Variants in NLGN2 observed in about 807,000 individuals in gnomAD.
The protein encoded by NLGN2 is neuroligin 2.
NLGN2 carries 11 observed loss-of-function variants against 48.6 expected under a neutral mutation model. The observed-to-expected ratio is 0.23, with a 90% CI of 0.14 to 0.37. The LOEUF (loss-of-function observed/expected upper bound fraction) is 0.37. NLGN2 is among the 10% of genes least tolerant of loss of function. The pLI is 1.00. For missense variants in NLGN2, 801 were observed against 1,225.2 expected (o/e 0.65, Z 5.17); for synonymous variants, 548 against 550.0 (o/e 1.00, Z 0.05).
In NLGN2 at chr17:7,418,053, G is replaced by A; in HGVS notation, c.*254G>A. The stretch of plus-strand genomic sequence containing the variant: ...CCCCATTGGGACACCAGTCTTCGGT[G>A]TGTGGAATGTGGTATTTTCCCGCGT... On this transcript the variant is annotated 3_prime_UTR_variant, in exon 7 of 7. Transcript: ENST00000302926. 1 of 316,484 alleles carries A rather than the reference G, an allele frequency of 3.2e-6. No homozygotes were observed. Among genetic ancestry groups the A allele is most frequent in the Non-Finnish European group, 5.8e-6 (1 of 172,386 alleles). The allele number at this position is 316,484 out of a possible 1,614,324, so 19.6% of individuals were successfully genotyped here.
At position 7,417,823 on chromosome 17, in the gene NLGN2, C is replaced by T; in HGVS notation, c.*24C>T. 1 of 1,347,462 alleles carries T rather than the reference C, an allele frequency of 7.4e-7. No individual in the cohort carries two copies. The highest frequency in any genetic ancestry group is 9.5e-7 in the Non-Finnish European group (1 of 1,057,910). The allele number at this position is 1,347,462 out of a possible 1,614,324, so 83.5% of individuals were successfully genotyped here. On this transcript the variant is annotated 3_prime_UTR_variant, in exon 7 of 7. Transcript: ENST00000302926. The stretch of plus-strand genomic sequence containing the variant: ...AGGGGGTGGGTGGGGAGGCCCTCCT[C>T]CCCGGCCCTCCCTGGCCCGGCCACT...
upstream of NLGN2, among the ~76,000 whole-genome samples, chr17:7,407,248 T>TC (rs1906683469): frequency 6.6e-6 from 1 of 152,146 alleles, no homozygotes; most frequent in Non-Finnish European, 1.5e-5. Context: ...CGGGGCAGCA[T>TC]CCCGTCACCC....
At chr17:7,406,513 G>A (rs1045556932), upstream of NLGN2, among the ~76,000 whole-genome samples, 8 of 152,116 alleles carry the variant, frequency 5.3e-5, no homozygotes, top group Non-Finnish European at 1.0e-4. Context: ...AAGGCAGGGG[G>A]CATGACTGGG....
chr17:7,406,766 G>C (rs1168112217), upstream of NLGN2, among the ~76,000 whole-genome samples: 1 of 152,144 alleles, frequency 6.6e-6, no homozygotes, highest in African/African-American at 2.4e-5. Context: ...AACTGTAGGG[G>C]GGGTGGCAAG....
chr17:7,407,225 C>G (rs571981555), upstream of NLGN2, among the ~76,000 whole-genome samples: 1 of 152,128 alleles, frequency 6.6e-6, no homozygotes, highest in Non-Finnish European at 1.5e-5. Flanking sequence ...AGCCCGTTGC[C>G]GAGGTAACAT....
At chr17:7,407,177 C>T (rs186313260), upstream of NLGN2, among the ~76,000 whole-genome samples, 2 of 152,316 alleles carry the variant, frequency 1.3e-5, no homozygotes, top group Non-Finnish European at 2.9e-5. Flanking sequence ...AGCCCCTTCC[C>T]GTCTTCCTCC....
Position 7,418,997 on chromosome 17 carries a change from T to G in NLGN2, c.*1198T>G, listed in dbSNP as rs1597715832. 6.6e-6 allele frequency: 1 copy of G among 152,116 alleles called. No individual in the cohort carries two copies. The highest frequency in any genetic ancestry group is 2.1e-4 in the South Asian group (1 of 4,826). 9.4% of individuals were successfully genotyped at this position (152,116 alleles called of 1,614,324 possible). A position where few individuals can be genotyped will look rare whatever the true frequency, so the allele number is the denominator to read the frequency against. ...CGAGGGATGTGGCAGGTGAGGGGGC[T>G]CCCGCCTGTGCCCCTTCTCCTCACC... On this transcript the variant is annotated 3_prime_UTR_variant, in exon 7 of 7. Coordinates refer to ENST00000302926, the MANE Select transcript of NLGN2 (RefSeq NM_020795.4).
Position 7,408,816 on chromosome 17 carries a change from T to C in NLGN2, c.457+104T>C, listed in dbSNP as rs1230382726. On this transcript the variant is annotated intron_variant, in intron 1 of 6. Coordinates refer to ENST00000302926, the MANE Select transcript of NLGN2 (RefSeq NM_020795.4). This position sits in a 1 kb window ranked among gnomAD's most constrained non-coding sequence, Gnocchi z 7.5. ...CGCTCTAGGGCTCAGAGCTGGGCCT[T>C]TGTGGGGGCAGTGAGGGACGGAGTG... 1.9e-6 allele frequency: 3 copies of C among 1,593,022 alleles called. No homozygotes were observed. Among genetic ancestry groups the C allele is most frequent in the Non-Finnish European group, 2.6e-6 (3 of 1,170,446 alleles).
In NLGN2 at chr17:7,417,319, G is replaced by C; in HGVS notation, c.2028G>C (p.Leu676=). 6.2e-7 allele frequency: 1 copy of C among 1,610,518 alleles called. No individual in the cohort carries two copies. The highest frequency in any genetic ancestry group is 8.5e-7 in the Non-Finnish European group (1 of 1,178,870). The change falls in exon 7 of 7, where the codon CTG becomes CTC. Residue 676 remains leucine, a synonymous_variant. Transcript: ENST00000302926. ...ACTCACGGGACTACTCCACGGAGCTGAGCGTCACCGTGGCCGTGGGTGCCT... is the reference window on the plus strand; with the variant it reads ...ACTCACGGGACTACTCCACGGAGCTCAGCGTCACCGTGGCCGTGGGTGCCT... The part of the protein sequence containing the change: ...PGDSRDYSTE[L]SVTVAVGASL...
chr17:7,417,329 G>C lies in NLGN2; in HGVS notation c.2038G>C (p.Val680Leu). 1.2e-6 allele frequency: 2 copies of C among 1,610,692 alleles called. No homozygotes were observed. Among genetic ancestry groups the C allele is most frequent in the Non-Finnish European group, 1.7e-6 (2 of 1,178,934 alleles). ...CTACTCCACGGAGCTGAGCGTCACCGTGGCCGTGGGTGCCTCCCTCCTCTT... is the reference window on the plus strand; with the variant it reads ...CTACTCCACGGAGCTGAGCGTCACCCTGGCCGTGGGTGCCTCCCTCCTCTT... ...RDYSTELSVT[V>L]AVGASLLFLN... is the part of the protein sequence containing the mutation. The change falls in exon 7 of 7, where the codon GTG becomes CTG. Residue 680 changes from valine (V) to leucine (L), a missense_variant. By Grantham distance (32) the Val-to-Leu change is conservative. Transcript: ENST00000302926.
chr17:7,414,005 A>G (rs1275904881), intron 2 of NLGN2, among the ~76,000 whole-genome samples: 1 of 152,064 alleles, frequency 6.6e-6, no homozygotes, highest in Non-Finnish European at 1.5e-5. Flanking sequence ...GACAGGAAGG[A>G]GATGTGCTGT....
Position 7,418,762 on chromosome 17 carries a change from G to A in NLGN2, c.*963G>A, listed in dbSNP as rs1221855127. On this transcript the variant is annotated 3_prime_UTR_variant, in exon 7 of 7. Transcript: ENST00000302926. ...CCTTGCTCCCGAGTTGGGGGGAGGG[G>A]GTGTGGCAACGTGCCCCCCGCAGAG... 6.6e-6 allele frequency: 1 copy of A among 152,508 alleles called. No homozygotes were observed. Among genetic ancestry groups the A allele is most frequent in the African/African-American group, 2.4e-5 (1 of 41,360 alleles). 9.4% of individuals were successfully genotyped at this position (152,508 alleles called of 1,614,324 possible).
At chr17:7,405,093 C>G (rs1906572410), upstream of NLGN2, 1 of 152,300 alleles carries the variant, frequency 6.6e-6, no homozygotes, top group Non-Finnish European at 1.5e-5. This position sits in a 1 kb window ranked among gnomAD's most constrained non-coding sequence, Gnocchi z 6.8. Context: ...CTCTGACTCC[C>G]CGGACCTCCC....
At chr17:7,412,303 C>T in intron 2 of NLGN2, 96 bp downstream of exon 2, 1 of 812,340 alleles carries the variant, frequency 1.2e-6, no homozygotes, top group Non-Finnish European at 2.1e-6. Flanking sequence ...CTCAAGGCCC[C>T]TCAGTCGTTC....
At position 7,417,125 on chromosome 17, in the gene NLGN2, C is replaced by T. The variant is rs200055506; in HGVS notation, c.1834C>T (p.His612Tyr). ...GCTCGTGCCCCACCTGCACAACCTG[C>T]ACACGGAGCTCTTCACCACCACCAC... The part of the protein sequence containing the change: ...LELVPHLHNL[H>Y]TELFTTTTRL... Residue 612 changes from histidine to tyrosine, a missense_variant, in exon 7 of 7, where the codon CAC becomes TAC. His to Tyr is a moderately conservative substitution (Grantham distance 83, BLOSUM62 2). Coordinates refer to ENST00000302926, the MANE Select transcript of NLGN2 (RefSeq NM_020795.4). 7.6e-5 allele frequency: 123 copies of T among 1,611,480 alleles called. No individual in the cohort carries two copies. The highest frequency in any genetic ancestry group is 8.5e-6 in the Non-Finnish European group (10 of 1,179,852).
upstream of NLGN2, among the ~76,000 whole-genome samples, chr17:7,406,696 G>A (rs1367630837): frequency 1.3e-5 from 2 of 150,162 alleles, no homozygotes; most frequent in Non-Finnish European, 3.0e-5. Context: ...CTGCCCCTCC[G>A]GTCTGATCTT....
In NLGN2 at chr17:7,418,755, G is replaced by A. The variant is rs374157489; in HGVS notation, c.*956G>A. ...GCCCGGCCCTTGCTCCCGAGTTGGG[G>A]GGAGGGGGTGTGGCAACGTGCCCCC... On this transcript the variant is annotated 3_prime_UTR_variant, in exon 7 of 7. Coordinates refer to ENST00000302926, the MANE Select transcript of NLGN2 (RefSeq NM_020795.4). The A allele has an allele frequency of 2.0e-5, 3 of 152,710 alleles. No homozygotes were observed. Among genetic ancestry groups the A allele is most frequent in the African/African-American group, 7.2e-5 (3 of 41,530 alleles). 9.5% of individuals were successfully genotyped at this position (152,710 alleles called of 1,614,324 possible).
chr17:7,405,905 G>A (rs1906616177), upstream of NLGN2, among the ~76,000 whole-genome samples: 1 of 152,040 alleles, frequency 6.6e-6, no homozygotes, highest in African/African-American at 2.4e-5. The surrounding 1 kb of genome is among the most constrained non-coding windows in gnomAD (Gnocchi z 6.8). Flanking sequence ...GGGGGCCTGC[G>A]GCCTGAGCCC....
rs1159175703 is a variant in NLGN2, at chr17:7,408,390, C to T, written c.135C>T (p.Asn45=). ...SLGEERFPVV[N]TAYGRVRGVR... is the part of the protein sequence containing the mutation. ...GCGAGGAGCGCTTCCCGGTGGTGAA[C>T]ACGGCCTACGGGCGAGTGCGCGGTG... is the stretch of plus-strand genomic sequence containing the variant. Residue 45 remains asparagine (N), a synonymous_variant, in exon 1 of 7, where the codon AAC becomes AAT. Transcript: ENST00000302926. The surrounding 1 kb of genome is among the most constrained non-coding windows in gnomAD (Gnocchi z 7.5). 5 of 1,540,070 alleles carry T rather than the reference C, an allele frequency of 3.2e-6. No individual in the cohort carries two copies. The highest frequency in any genetic ancestry group is 2.6e-6 in the Non-Finnish European group (3 of 1,148,698).
Sources: gnomAD v4.1 joint callset for allele counts (sites outside exome capture counted in the v4.1 genomes callset) on GRCh38, gnomAD v4.1.1 for gene constraint, Gnocchi (gnomAD v3.1) non-coding constraint, MANE v1.5 for transcripts, NCBI Gene and HGNC (gene_info 2026-07-23, HGNC 2026-07-21) for gene names.